ZNRF3: variants seen among roughly 807,000 people sequenced by gnomAD.
ZNRF3 encodes the protein E3 ubiquitin-protein ligase ZNRF3.
In ZNRF3, 23 loss-of-function variants were observed where a neutral mutation model predicts 72.5. That is an observed-to-expected ratio of 0.32 (90% CI 0.23 to 0.45). The LOEUF is 0.45. Ranked by LOEUF, ZNRF3 falls within the 20% of genes least tolerant of loss-of-function variation. ZNRF3 has a pLI of 1.00. For synonymous variants in ZNRF3, 610 were observed against 545.3 expected (o/e 1.12, Z -1.65); for missense variants, 1,169 against 1,272.1 (o/e 0.92, Z 1.23).
In ZNRF3 at chr22:28,994,176, C is replaced by CTTTTTTTTTTTTTTTTT. The variant is rs57329565; in HGVS notation, c.426+6986_426+7002dup. Among the ~76,000 whole-genome samples, 325 of 39,806 alleles carry CTTTTTTTTTTTTTTTTT rather than the reference C, an allele frequency of 8.2e-3. 31 individuals carry two copies. Among genetic ancestry groups the CTTTTTTTTTTTTTTTTT allele is most frequent in the Non-Finnish European group, 9.4e-3 (215 of 22,954 alleles). The allele number at this position is 39,806 out of a possible 152,430, so 26.1% of individuals were successfully genotyped here. ...TCCTTTATTGTCCTTCAGTTCCTTTCTTTTTTTTTTTTTTTTTTTTTTTTT... is the reference window on the plus strand; with the variant it reads ...TCCTTTATTGTCCTTCAGTTCCTTTCTTTTTTTTTTTTTTTTTTTTTTTTTTTTTTTTTTTTTTTTTT... On this transcript the variant is annotated intron_variant, in intron 2 of 8. Coordinates refer to ENST00000544604, the MANE Select transcript of ZNRF3 (RefSeq NM_001206998.2).
chr22:28,887,270 G>GTA (rs1246327825), intron 1 of ZNRF3, among the ~76,000 whole-genome samples: 6 of 149,058 alleles, frequency 4.0e-5, no homozygotes, highest in South Asian at 2.1e-4. Flanking sequence ...GTGTGTGTGT[G>GTA]TATACATATA....
chr22:28,895,930 G>T (rs138015130), intron 1 of ZNRF3, among the ~76,000 whole-genome samples: 1 of 152,142 alleles, frequency 6.6e-6, no homozygotes, highest in East Asian at 1.9e-4. Context: ...GCCTTTTCTG[G>T]ATTCTGCCCC....
At chr22:29,032,217 C>G (rs2036775638) in intron 2 of ZNRF3, among the ~76,000 whole-genome samples, 1 of 152,180 alleles carries the variant, frequency 6.6e-6, no homozygotes, top group Admixed American at 6.5e-5. Flanking sequence ...TCACATACAG[C>G]CTGTTCTTGT....
intron 1 of ZNRF3, among the ~76,000 whole-genome samples, chr22:28,968,721 AGTCATTGT>A (rs1168200895): frequency 6.6e-6 from 1 of 152,244 alleles, no homozygotes; most frequent in Non-Finnish European, 1.5e-5. Flanking sequence ...AAAAAAATAA[AGTCATTGT>A]CAGACTGCCC....
In ZNRF3 at chr22:29,048,497, T is replaced by C. The variant is rs1002851877; in HGVS notation, c.1015+6T>C. 1 of 1,613,974 alleles carries C rather than the reference T, an allele frequency of 6.2e-7. No individual in the cohort carries two copies. Among genetic ancestry groups the C allele is most frequent in the Non-Finnish European group, 8.5e-7 (1 of 1,179,850 alleles). The stretch of plus-strand genomic sequence containing the variant: ...CTGTCGGCACAACATCATAGGTAAC[T>C]GTCACCCGCCTTAGCCATTGCTGAA... On this transcript the variant is annotated splice_donor_region_variant and intron_variant, in intron 7 of 8. Transcript: ENST00000544604. This position sits in a 1 kb window ranked among gnomAD's most constrained non-coding sequence, Gnocchi z 4.9.
intron 1 of ZNRF3, among the ~76,000 whole-genome samples, chr22:28,891,700 T>C (rs1174347489): frequency 6.6e-6 from 1 of 152,242 alleles, no homozygotes; most frequent in East Asian, 1.9e-4. Flanking sequence ...GATGAGGTTA[T>C]GGGAACTGAT....
intron 1 of ZNRF3, chr22:28,986,763 T>G (rs1454895106): frequency 1.6e-6 from 1 of 637,268 alleles, no homozygotes; most frequent in African/African-American, 2.0e-5. Flanking sequence ...CAATTTAGAT[T>G]GGCATTTATA....
At chr22:29,016,799 T>C (rs2036445529) in intron 2 of ZNRF3, among the ~76,000 whole-genome samples, 1 of 152,208 alleles carries the variant, frequency 6.6e-6, no homozygotes, top group African/African-American at 2.4e-5. Context: ...CTGGAGAAAC[T>C]TCCTTCCTGT....
At chr22:28,953,457 C>G (rs1417099596) in intron 1 of ZNRF3, among the ~76,000 whole-genome samples, 1 of 152,142 alleles carries the variant, frequency 6.6e-6, no homozygotes, top group East Asian at 1.9e-4. Context: ...GGAGGCCAAC[C>G]CTGAAGTTTA....
At chr22:28,906,900 CCTT>C (rs1320459266) in intron 1 of ZNRF3, among the ~76,000 whole-genome samples, 4 of 152,194 alleles carry the variant, frequency 2.6e-5, no homozygotes, top group African/African-American at 9.6e-5. Flanking sequence ...TTTCTCTTTC[CCTT>C]CTTGGGAGAA....
Position 28,894,867 on chromosome 22 carries a change from TA to T in ZNRF3, c.300+10811del, listed in dbSNP as rs574908623. The stretch of plus-strand genomic sequence containing the variant: ...AAGTGTACATAAAAATGGGCTCTTC[TA>T]AAAAAAAAATTAAAAGATCTGGCAT... On this transcript the variant is annotated intron_variant, in intron 1 of 8. Coordinates refer to ENST00000544604, the MANE Select transcript of ZNRF3 (RefSeq NM_001206998.2). Among the ~76,000 whole-genome samples the T allele has an allele frequency of 9.7e-4, 145 of 149,832 alleles. 2 individuals are homozygous for T. In the South Asian group the frequency reaches 0.024, roughly 25 times the overall value.
intron 2 of ZNRF3, among the ~76,000 whole-genome samples, chr22:29,021,356 C>T (rs1458081536): frequency 6.6e-6 from 1 of 152,056 alleles, no homozygotes; most frequent in East Asian, 1.9e-4. Flanking sequence ...TTGGAATTTT[C>T]CTATATTAAC....
At chr22:28,899,463 G>A (rs2034064320) in intron 1 of ZNRF3, among the ~76,000 whole-genome samples, 3 of 152,136 alleles carry the variant, frequency 2.0e-5, no homozygotes, top group Admixed American at 6.5e-5. Flanking sequence ...AAGCCCCGGC[G>A]GATGTGGTTA....
chr22:29,052,526 C>G (rs1410889084), intron 8 of ZNRF3, among the ~76,000 whole-genome samples: 2 of 152,170 alleles, frequency 1.3e-5, no homozygotes, highest in Non-Finnish European at 2.9e-5. Flanking sequence ...AACCCCGTCT[C>G]TAATAAAAAT....
At chr22:28,937,265 C>T (rs2034856271) in intron 1 of ZNRF3, among the ~76,000 whole-genome samples, 1 of 138,448 alleles carries the variant, frequency 7.2e-6, no homozygotes. Context: ...AAAACTCATG[C>T]CAGACTTGTT....
At chr22:29,043,005 C>G (rs1252684064) in intron 3 of ZNRF3, among the ~76,000 whole-genome samples, 7 of 152,004 alleles carry the variant, frequency 4.6e-5, no homozygotes, top group Non-Finnish European at 7.4e-5. Context: ...GAACTCTTGA[C>G]CTTGTGATCC....
At chr22:28,986,617 G>T (rs2035858611) in intron 1 of ZNRF3, 2 of 985,424 alleles carry the variant, frequency 2.0e-6, no homozygotes, top group African/African-American at 3.5e-5. Flanking sequence ...TAGAGTCCGG[G>T]ATGTGTTTCC....
chr22:28,969,310 T>C (rs1233396545), intron 1 of ZNRF3, among the ~76,000 whole-genome samples: 2 of 152,206 alleles, frequency 1.3e-5, no homozygotes, highest in Admixed American at 1.3e-4. Context: ...TCTGTTCTTT[T>C]TTTCCCCCGT....
At chr22:29,025,126 T>A (rs1195789144) in intron 2 of ZNRF3, 1 of 151,954 alleles carries the variant, frequency 6.6e-6, no homozygotes, top group Non-Finnish European at 1.5e-5. Context: ...GGATTACAGG[T>A]GCCCACCACC....
Sources: allele counts gnomAD v4.1 joint callset (sites outside exome capture counted in the v4.1 genomes callset), GRCh38; gene constraint gnomAD v4.1.1; non-coding constraint Gnocchi (gnomAD v3.1); transcripts MANE v1.5; gene names NCBI Gene and HGNC (gene_info 2026-07-23, HGNC 2026-07-21).